Variants in SDK2 observed in about 807,000 individuals in gnomAD.
The protein encoded by SDK2 is sidekick cell adhesion molecule 2.
A neutral mutation model predicts 253.9 loss-of-function variants in SDK2; 105 were observed. That is an observed-to-expected ratio of 0.41 (90% CI 0.35 to 0.49). The LOEUF is 0.49. Among genes scored for constraint, SDK2 ranks in the 20% least tolerant of loss-of-function variants. SDK2 has a pLI of 0.06. For synonymous variants in SDK2, 1,249 were observed against 1,234.9 expected (o/e 1.01, Z -0.24); for missense variants, 2,608 against 3,003.0 (o/e 0.87, Z 3.07).
intron 1 of SDK2, among the ~76,000 whole-genome samples, chr17:73,549,421 G>C (rs1050693320): frequency 6.6e-6 from 1 of 152,086 alleles, no homozygotes; most frequent in Non-Finnish European, 1.5e-5. Context: ...GATTTGATCC[G>C]TCATCCATTC....
rs776227532 is a variant in SDK2 at position 73,465,670 on chromosome 17, C to T, written c.331+6442G>A. Among the ~76,000 whole-genome samples the T allele has an allele frequency of 2.1e-4, 32 of 152,176 alleles. No individual in the cohort carries two copies. Among genetic ancestry groups the T allele is most frequent in the Non-Finnish European group, 4.3e-4 (29 of 68,042 alleles). ...CTGTAATTAAAAACATGTAAAGAAT[C>T]CTTTTTTAACGACTTTGCCATTATC... On this transcript the variant is annotated intron_variant, in intron 3 of 44. Transcript: ENST00000392650. The surrounding 1 kb of genome is among the most constrained non-coding windows in gnomAD (Gnocchi z 4.2).
At chr17:73,568,237 T>A (rs969791557) in intron 1 of SDK2, among the ~76,000 whole-genome samples, 1 of 152,160 alleles carries the variant, frequency 6.6e-6, no homozygotes, top group African/African-American at 2.4e-5. Context: ...CTTCTCCCCC[T>A]CTCTCTTGCA....
intron 1 of SDK2, among the ~76,000 whole-genome samples, chr17:73,560,949 G>C (rs1301846371): frequency 1.3e-5 from 2 of 152,134 alleles, no homozygotes; most frequent in African/African-American, 4.8e-5. Flanking sequence ...GGGGCGTGTG[G>C]GGTGTGCCAC....
intron 1 of SDK2, among the ~76,000 whole-genome samples, chr17:73,529,874 T>G (rs1483313302): frequency 6.6e-6 from 1 of 152,198 alleles, no homozygotes; most frequent in African/African-American, 2.4e-5. Flanking sequence ...TTTTTGTTAC[T>G]TGAGCCACCC....
intron 2 of SDK2, among the ~76,000 whole-genome samples, chr17:73,493,409 C>T (rs1599618481): frequency 6.6e-6 from 1 of 152,290 alleles, no homozygotes; most frequent in South Asian, 2.1e-4. Context: ...GCCAGCGGGG[C>T]CCCAGGGCTG....
In SDK2 at chr17:73,605,964, T is replaced by C. The variant is rs60073536; in HGVS notation, c.64+38061A>G. 3.9e-3 allele frequency among the ~76,000 whole-genome samples: 585 copies of C among 150,768 alleles called. 1 individual carries two copies. Among genetic ancestry groups the C allele is most frequent in the African/African-American group, 0.014 (551 of 40,520 alleles). ...ACAGCAAACTGTAGAGTTTGGTTTT[T>C]TCCTTCCTGTGTTTTAAGGAAAATA... On this transcript the variant is annotated intron_variant, in intron 1 of 44. Coordinates refer to ENST00000392650, the MANE Select transcript of SDK2 (RefSeq NM_001144952.2).
intron 6 of SDK2, among the ~76,000 whole-genome samples, chr17:73,440,558 G>A (rs1032642094): frequency 1.3e-5 from 2 of 152,086 alleles, no homozygotes; most frequent in African/African-American, 2.4e-5. Context: ...AGTCCTGTAC[G>A]TCCCAGGCTG....
intron 1 of SDK2, among the ~76,000 whole-genome samples, chr17:73,576,211 C>T (rs74890662): frequency 0.018 from 2,694 of 152,176 alleles, 82 homozygotes; most frequent in African/African-American, 0.055. Context: ...AAAGGCATCC[C>T]AAAGAAGGGG....
chr17:73,592,494 A>T (rs1883303588), intron 1 of SDK2, among the ~76,000 whole-genome samples: 1 of 152,172 alleles, frequency 6.6e-6, no homozygotes, highest in African/African-American at 2.4e-5. Context: ...GGTGGGGACG[A>T]CTTCTTCCCC....
Position 73,352,533 on chromosome 17 carries a change from C to G in SDK2, c.5698G>C (p.Val1900Leu). Reference protein sequence around the residue: ...LKPGVSYDFRVIAVNDYGFGT... With the variant: ...LKPGVSYDFRLIAVNDYGFGT... Reference sequence around the variant, plus strand: ...AAACCATAGTCGTTGACCGCGATGACCCGGAAGTCATAGCTCACGCCCGGC... The same window carrying G: ...AAACCATAGTCGTTGACCGCGATGAGCCGGAAGTCATAGCTCACGCCCGGC... Residue 1900 changes from valine to leucine, a missense_variant, in exon 41 of 45, where the codon GTC becomes CTC. Coordinates refer to ENST00000392650, the MANE Select transcript of SDK2 (RefSeq NM_001144952.2). The surrounding 1 kb of genome is among the most constrained non-coding windows in gnomAD (Gnocchi z 4.1). The G allele has an allele frequency of 1.2e-6, 2 of 1,614,032 alleles. No individual in the cohort carries two copies. The highest frequency in any genetic ancestry group is 8.5e-7 in the Non-Finnish European group (1 of 1,179,888).
rs113166701 is a variant in SDK2, at chr17:73,614,265, G to A, written c.64+29760C>T. Among the ~76,000 whole-genome samples the A allele has an allele frequency of 6.6e-5, 10 of 152,264 alleles. 1 individual carries two copies. The highest frequency in any genetic ancestry group is 2.2e-4 in the African/African-American group (9 of 41,556). ...CTGTGGCAGGCCTGGTTCTTGCCTCGCTTTACAGTTAAGTGCAGGAAGGGG... is the reference window on the plus strand; with the variant it reads ...CTGTGGCAGGCCTGGTTCTTGCCTCACTTTACAGTTAAGTGCAGGAAGGGG... On this transcript the variant is annotated intron_variant, in intron 1 of 44. Coordinates refer to ENST00000392650, the MANE Select transcript of SDK2 (RefSeq NM_001144952.2).
At chr17:73,552,603 G>A (rs1042340049) in intron 1 of SDK2, among the ~76,000 whole-genome samples, 1 of 152,148 alleles carries the variant, frequency 6.6e-6, no homozygotes. Context: ...CAAGAAGTAC[G>A]TACGAGCATC....
At chr17:73,592,068 C>T (rs1435195599) in intron 1 of SDK2, among the ~76,000 whole-genome samples, 1 of 152,232 alleles carries the variant, frequency 6.6e-6, no homozygotes, top group Non-Finnish European at 1.5e-5. Flanking sequence ...TTAAAAACCT[C>T]ATGCTGATCC....
intron 37 of SDK2, among the ~76,000 whole-genome samples, chr17:73,367,889 C>T (rs1156371376): frequency 6.6e-6 from 1 of 152,206 alleles, no homozygotes; most frequent in Non-Finnish European, 1.5e-5. Flanking sequence ...CCCACTCCTG[C>T]CTCACTCTTA....
chr17:73,543,320 G>A (rs904152923), intron 1 of SDK2, among the ~76,000 whole-genome samples: 13 of 152,110 alleles, frequency 8.5e-5, no homozygotes, highest in African/African-American at 2.9e-4. Context: ...TGTGGTGTGT[G>A]TGGGGCTGTC....
intron 6 of SDK2, among the ~76,000 whole-genome samples, chr17:73,439,727 G>A (rs577951578): frequency 9.2e-5 from 14 of 152,316 alleles, no homozygotes; most frequent in African/African-American, 2.2e-4. Flanking sequence ...TGCGCCTTCC[G>A]CTGGGGTTGG....
At position 73,524,777 on chromosome 17, in the gene SDK2, T is replaced by A. The variant is rs111913707; in HGVS notation, c.65-17180A>T. On this transcript the variant is annotated intron_variant, in intron 1 of 44. Coordinates refer to ENST00000392650, the MANE Select transcript of SDK2 (RefSeq NM_001144952.2). The stretch of plus-strand genomic sequence containing the variant: ...ACATGGTCAGTGTAGACCCTGGGAT[T>A]GGAATGCCAAGCTGTCTATCTCCAA... Among the ~76,000 whole-genome samples the A allele has an allele frequency of 1.5e-4, 22 of 149,018 alleles. 2 individuals carry two copies. The highest frequency in any genetic ancestry group is 5.5e-4 in the African/African-American group (21 of 38,454).
At chr17:73,576,123 GATGCC>G (rs1398083440) in intron 1 of SDK2, among the ~76,000 whole-genome samples, 1 of 152,210 alleles carries the variant, frequency 6.6e-6, no homozygotes, top group African/African-American at 2.4e-5. Context: ...GGCTGCCTGG[GATGCC>G]TGGGAGGAAG....
At chr17:73,385,824 G>T (rs776366702) in intron 32 of SDK2, 23 bp downstream of exon 32, 18 of 1,590,046 alleles carry the variant, frequency 1.1e-5, no homozygotes, top group East Asian at 2.3e-5. Context: ...CTTCACGGAG[G>T]TTTCCTGCCC....
Sources: allele counts gnomAD v4.1 joint callset (sites outside exome capture counted in the v4.1 genomes callset), GRCh38; gene constraint gnomAD v4.1.1; non-coding constraint Gnocchi (gnomAD v3.1); transcripts MANE v1.5; gene names NCBI Gene and HGNC (gene_info 2026-07-23, HGNC 2026-07-21).